The following SAMD3 variants were observed in gnomAD, a reference collection of about 807,000 sequenced individuals.
The protein encoded by SAMD3 is sterile alpha motif domain-containing protein 3.
In SAMD3, 63 loss-of-function variants were observed where a neutral mutation model predicts 58.5. The ratio of observed to expected loss-of-function variants is 1.08; its 90% CI spans 0.88 to 1.33. SAMD3 has a LOEUF of 1.33. SAMD3 is among the 40% of genes most tolerant of loss of function. The probability of loss-of-function intolerance (pLI) is 0.00; values close to 1 mark genes in which losing one functional copy is unlikely to be tolerated. For synonymous variants in SAMD3, 220 were observed against 210.3 expected (o/e 1.05, Z -0.40); for missense variants, 604 against 608.4 (o/e 0.99, Z 0.08).
intron 1 of SAMD3, among the ~76,000 whole-genome samples, chr6:130,361,488 G>C (rs1256367712): frequency 6.6e-6 from 1 of 152,162 alleles, no homozygotes; most frequent in Non-Finnish European, 1.5e-5. Flanking sequence ...CTGTATGTGT[G>C]TACAGTCTGT....
intron 2 of SAMD3, among the ~76,000 whole-genome samples, chr6:130,269,736 T>C (rs1774492583): frequency 6.6e-6 from 1 of 151,820 alleles, no homozygotes; most frequent in Non-Finnish European, 1.5e-5. Context: ...AACACTATTA[T>C]ATCCTTCCTT....
chr6:130,234,346 A>G (rs1175402824), intron 2 of SAMD3, among the ~76,000 whole-genome samples: 1 of 152,120 alleles, frequency 6.6e-6, no homozygotes, highest in Non-Finnish European at 1.5e-5. Flanking sequence ...ATATTTCTCT[A>G]TTAGGTTCCT....
chr6:130,223,779 C>G (rs988470359), upstream of SAMD3, among the ~76,000 whole-genome samples: 3 of 152,186 alleles, frequency 2.0e-5, no homozygotes, highest in Non-Finnish European at 4.4e-5. Context: ...TGGGCTCCTA[C>G]CCCATGGCAG....
chr6:130,152,158 GC>G (rs1430876484), intron 9 of SAMD3, among the ~76,000 whole-genome samples: 2 of 152,126 alleles, frequency 1.3e-5, no homozygotes, highest in African/African-American at 4.8e-5. Context: ...AGCTCCCTAA[GC>G]ACTCAGTGTT....
Position 130,184,587 on chromosome 6 carries a change from T to A in SAMD3, c.420A>T (p.Ala140=), listed in dbSNP as rs1218490338. ...NVKQILARSK[A]LQWTKSYVLP... ...AAACATAGGACTTCGTCCACTGTAA[T>A]GCTTTGCTTCTTGCTAGAATTTGTT... Residue 140 remains alanine, a synonymous_variant, in exon 6 of 12, where the codon GCA becomes GCT. Transcript: ENST00000439090. 2 of 1,610,806 alleles carry A rather than the reference T, an allele frequency of 1.2e-6. No homozygotes were observed. Among genetic ancestry groups the A allele is most frequent in the Non-Finnish European group, 1.7e-6 (2 of 1,178,882 alleles).
chr6:130,216,290 A>C (rs1229262354), intron 2 of SAMD3, among the ~76,000 whole-genome samples: 1 of 152,176 alleles, frequency 6.6e-6, no homozygotes, highest in Non-Finnish European at 1.5e-5. Flanking sequence ...AAAACGTTTT[A>C]ACCTTTTATC....
rs752880656 is a variant in SAMD3, at chr6:130,270,997, GTT to G, written c.-188+41979_-188+41980del. ...ATTTGTACCCAATCTTGTTTTTTTTGTTTTTTTTTGTTTTTTTTTCCTTAGGG... is the reference window on the plus strand; with the variant it reads ...ATTTGTACCCAATCTTGTTTTTTTTGTTTTTTTGTTTTTTTTTCCTTAGGG... On this transcript the variant is annotated intron_variant, in intron 2 of 13. Transcript: ENST00000368134. Among the ~76,000 whole-genome samples the G allele has an allele frequency of 1.7e-3, 95 of 57,060 alleles. 1 individual carries two copies. The African/African-American group carries it at 0.018, about 11-fold the overall frequency. The allele number at this position is 57,060 out of a possible 152,430, so 37.4% of individuals were successfully genotyped here. A position where few individuals can be genotyped will look rare whatever the true frequency, so the allele number is the denominator to read the frequency against.
chr6:130,260,512 T>C (rs1774085628), intron 2 of SAMD3, among the ~76,000 whole-genome samples: 1 of 152,174 alleles, frequency 6.6e-6, no homozygotes, highest in Admixed American at 6.5e-5. Flanking sequence ...GGAGCTTGGC[T>C]CTTGAGACAG....
chr6:130,216,854 C>T (rs889826838), intron 1 of SAMD3, among the ~76,000 whole-genome samples: 2 of 152,146 alleles, frequency 1.3e-5, no homozygotes, highest in African/African-American at 4.8e-5. Flanking sequence ...AAAAATCACA[C>T]CTTTCTATCA....
At chr6:130,203,859 C>A (rs1046878356) in intron 5 of SAMD3, among the ~76,000 whole-genome samples, 10 of 152,216 alleles carry the variant, frequency 6.6e-5, no homozygotes, top group African/African-American at 1.9e-4. Flanking sequence ...CACTTCCTTG[C>A]AGCTTCCCTT....
upstream of SAMD3, among the ~76,000 whole-genome samples, chr6:130,224,592 TTTATTATTATTA>T (rs147379974): frequency 0.11 from 15,872 of 143,808 alleles, 1,104 homozygotes; most frequent in Admixed American, 0.16. Context: ...ACTCTATTTA[TTTATTATTATTA>T]TTATTATTAT....
chr6:130,331,578 G>T (rs1349978596), intron 1 of SAMD3, among the ~76,000 whole-genome samples: 1 of 152,062 alleles, frequency 6.6e-6, no homozygotes, highest in Non-Finnish European at 1.5e-5. Flanking sequence ...CAAAAATTAG[G>T]TGTGGTGGCA....
At chr6:130,226,686 G>A (rs956396106), upstream of SAMD3, among the ~76,000 whole-genome samples, 37 of 152,166 alleles carry the variant, frequency 2.4e-4, no homozygotes, top group Non-Finnish European at 3.5e-4. Context: ...GGGCATGGTG[G>A]CAGGCGCCTG....
rs191026586 is a variant in SAMD3 at position 130,266,806 on chromosome 6, T to C, written c.-187-43993A>G. Among the ~76,000 whole-genome samples, 24 of 152,310 alleles carry C rather than the reference T, an allele frequency of 1.6e-4. No individual in the cohort carries two copies. In the East Asian group the frequency reaches 4.6e-3, roughly 29 times the overall value. On this transcript the variant is annotated intron_variant, in intron 2 of 13. Transcript: ENST00000368134. ...TCCTAGGCTTCCCTGCCTATGCTTC[T>C]TGCGAAAAGCGAAGCATAGCCATAG... is the stretch of plus-strand genomic sequence containing the variant.
intron 2 of SAMD3, among the ~76,000 whole-genome samples, chr6:130,231,285 C>T (rs1179286143): frequency 1.3e-5 from 2 of 151,930 alleles, no homozygotes; most frequent in Non-Finnish European, 2.9e-5. Context: ...ATTTTTAGGC[C>T]AGGCACAGTG....
chr6:130,321,337 C>G (rs1034085895), intron 1 of SAMD3, among the ~76,000 whole-genome samples: 1 of 152,118 alleles, frequency 6.6e-6, no homozygotes, highest in Admixed American at 6.5e-5. Context: ...AGCTTGGAAG[C>G]AGATACTCTC....
intron 2 of SAMD3, among the ~76,000 whole-genome samples, chr6:130,293,405 C>A (rs752694325): frequency 1.3e-5 from 2 of 152,110 alleles, no homozygotes; most frequent in Non-Finnish European, 2.9e-5. Flanking sequence ...TCCCCTCACT[C>A]TAGTAATTAA....
intron 2 of SAMD3, among the ~76,000 whole-genome samples, chr6:130,238,108 T>G (rs1773227358): frequency 6.6e-6 from 1 of 152,194 alleles, no homozygotes; most frequent in Non-Finnish European, 1.5e-5. Context: ...GTTTTATAGT[T>G]CAAAGTATTC....
At chr6:130,280,512 G>A (rs76481699) in intron 2 of SAMD3, among the ~76,000 whole-genome samples, 1 of 152,012 alleles carries the variant, frequency 6.6e-6, no homozygotes, top group African/African-American at 2.4e-5. Flanking sequence ...CTTTAGACAG[G>A]CATCTTCTAT....
Sources: allele counts gnomAD v4.1 joint callset (sites outside exome capture counted in the v4.1 genomes callset), GRCh38; gene constraint gnomAD v4.1.1; transcripts MANE v1.5; gene names NCBI Gene and HGNC (gene_info 2026-07-23, HGNC 2026-07-21).